WDR75: variants seen among roughly 807,000 people sequenced by gnomAD.
WDR75 encodes the protein WD repeat domain 75, also known as WD repeat-containing protein 75.
WDR75 carries 52 observed loss-of-function variants against 106.1 expected under a neutral mutation model. That is an observed-to-expected ratio of 0.49 (90% CI 0.39 to 0.62). The LOEUF is 0.62. Among genes scored for constraint, WDR75 ranks in the 20% least tolerant of loss-of-function variants. The pLI is 0.00. For synonymous variants in WDR75, 333 were observed against 335.5 expected (o/e 0.99, Z 0.08); for missense variants, 905 against 970.3 (o/e 0.93, Z 0.89).
intron 5 of WDR75, among the ~76,000 whole-genome samples, chr2:189,456,276 A>G (rs1686734688): frequency 6.6e-6 from 1 of 152,194 alleles, no homozygotes; most frequent in Non-Finnish European, 1.5e-5. Context: ...AAATACATTT[A>G]CCTAGCGATT....
At position 189,462,602 on chromosome 2, in the gene WDR75, G is replaced by A. The variant is rs146754041; in HGVS notation, c.897G>A (p.Ser299=). The part of the protein sequence containing the change: ...LGATIEHISV[S]PAGDLFCTSH... ...CTACTATTGAACATATCTCAGTCTC[G>A]CCTGCAGGAGATTTATTCTGCACTT... The change falls in exon 9 of 21, where the codon TCG becomes TCA. Residue 299 remains serine (S), a synonymous_variant. Coordinates refer to ENST00000314761, the MANE Select transcript of WDR75 (RefSeq NM_032168.3). The A allele has an allele frequency of 3.3e-5, 53 of 1,613,810 alleles. No homozygotes were observed. The highest frequency in any genetic ancestry group is 2.3e-4 in the African/African-American group (17 of 74,940).
At chr2:189,462,779 C>A in intron 9 of WDR75, 137 bp downstream of exon 9, 1 of 771,578 alleles carries the variant, frequency 1.3e-6, no homozygotes, top group Non-Finnish European at 2.0e-6. Context: ...CCTTGCATTA[C>A]TCCTCTCTTT....
chr2:189,462,512 A>G lies in WDR75; in HGVS notation c.807A>G (p.Glu269=), dbSNP rs116787294. Residue 269 remains glutamate, a synonymous_variant, in exon 9 of 21, where the codon GAA becomes GAG. Coordinates refer to ENST00000314761, the MANE Select transcript of WDR75 (RefSeq NM_032168.3). The stretch of plus-strand genomic sequence containing the variant: ...CCAGTCTGCTGAGTGGCGGTCGTGA[A>G]TCTGTACTTGTAGAGTGGCGCGATG... ...TGTSLLSGGR[E]SVLVEWRDAT... 6.2e-7 allele frequency: 1 copy of G among 1,614,032 alleles called. No homozygotes were observed. Among genetic ancestry groups the G allele is most frequent in the Non-Finnish European group, 8.5e-7 (1 of 1,179,930 alleles).
rs1266900309 is a variant in WDR75, at chr2:189,441,505, G to A, written c.13G>A (p.Glu5Lys). 1 of 1,564,526 alleles carries A rather than the reference G, an allele frequency of 6.4e-7. No individual in the cohort carries two copies. The highest frequency in any genetic ancestry group is 8.7e-7 in the Non-Finnish European group (1 of 1,153,170). MVEEENIRVVRCGGS... is the reference protein window; with the variant it reads MVEEKNIRVVRCGGS... ...CTACTGCGCAAAGATGGTGGAGGAG[G>A]AGAACATCCGCGTGGTTCGTTGTGG... The change falls in exon 1 of 21, where the codon GAG (glutamate) becomes AAG (lysine). Residue 5 changes from glutamate (E) to lysine (K), a missense_variant. Glu to Lys is a moderately conservative substitution (Grantham distance 56). Transcript: ENST00000314761.
chr2:189,452,327 AG>A, intron 4 of WDR75, among the ~76,000 whole-genome samples: 1 of 152,296 alleles, frequency 6.6e-6, no homozygotes, highest in Middle Eastern at 3.4e-3. Flanking sequence ...TGGGAGGCCG[AG>A]GTGGGCAGAT....
rs534602244 is a variant in WDR75, at chr2:189,466,595, ATATGT to A, written c.1447+20_1447+24del. ...TCTGACATATACAGTAAGTTATTAAATATGTTATGTTTAAAGTGTGCACAATTTTA... is the reference window on the plus strand; with the variant it reads ...TCTGACATATACAGTAAGTTATTAAATATGTTTAAAGTGTGCACAATTTTA... On this transcript the variant is annotated intron_variant, in intron 13 of 20. Transcript: ENST00000314761. 370 of 1,597,270 alleles carry A rather than the reference ATATGT, an allele frequency of 2.3e-4. 1 individual carries two copies. The highest frequency in any genetic ancestry group is 4.7e-4 in the East Asian group (21 of 44,602).
chr2:189,449,182 T>A (rs1039574982), intron 2 of WDR75: 1 of 1,204,452 alleles, frequency 8.3e-7, no homozygotes, highest in South Asian at 1.3e-5. Context: ...CTACTAAAAT[T>A]TTATCTCAAC....
intron 4 of WDR75, among the ~76,000 whole-genome samples, chr2:189,454,465 C>A (rs548047773): frequency 1.2e-4 from 18 of 152,010 alleles, no homozygotes; most frequent in African/African-American, 3.9e-4. Flanking sequence ...ATTTTAAAAC[C>A]CAGCTTAATA....
At chr2:189,443,911 G>C (rs1474396968) in intron 1 of WDR75, among the ~76,000 whole-genome samples, 1 of 152,152 alleles carries the variant, frequency 6.6e-6, no homozygotes, top group African/African-American at 2.4e-5. Flanking sequence ...CCAAACTAAG[G>C]TAATATTGAA....
chr2:189,442,748 AC>A (rs1257012514), intron 1 of WDR75, among the ~76,000 whole-genome samples: 1 of 151,868 alleles, frequency 6.6e-6, no homozygotes, highest in African/African-American at 2.4e-5. Context: ...TGCCCGGCCC[AC>A]CCCCACAATA....
chr2:189,452,326 G>A (rs561600447), intron 4 of WDR75, among the ~76,000 whole-genome samples: 15 of 152,272 alleles, frequency 9.9e-5, no homozygotes, highest in Admixed American at 2.0e-4. Context: ...ATGGGAGGCC[G>A]AGGTGGGCAG....
intron 1 of WDR75, among the ~76,000 whole-genome samples, chr2:189,445,086 A>G (rs373169865): frequency 3.3e-5 from 5 of 152,138 alleles, no homozygotes; most frequent in African/African-American, 7.2e-5. Flanking sequence ...CTATTGAGTG[A>G]GTGCTTGCTG....
rs764277551 is a variant in WDR75, at chr2:189,448,425, G to A, written c.133G>A (p.Val45Ile). The A allele has an allele frequency of 1.9e-6, 3 of 1,613,906 alleles. No homozygotes were observed. Among genetic ancestry groups the A allele is most frequent in the East Asian group, 2.2e-5 (1 of 44,870 alleles). ...SGDFVKVYST[V>I]TEECVHILHG... is the part of the protein sequence containing the mutation. ...AGACTTTGTTAAAGTTTACAGCACAGTTACAGAAGAGTGTGTACACATACT... is the reference window on the plus strand; with the variant it reads ...AGACTTTGTTAAAGTTTACAGCACAATTACAGAAGAGTGTGTACACATACT... The change falls in exon 2 of 21, where the codon GTT becomes ATT. Residue 45 changes from valine (V) to isoleucine (I), a missense_variant. Physicochemically the swap from Val to Ile is conservative, Grantham distance 29 (BLOSUM62 3). Coordinates refer to ENST00000314761, the MANE Select transcript of WDR75 (RefSeq NM_032168.3).
Position 189,474,222 on chromosome 2 carries a change from T to G in WDR75, c.2086T>G (p.Tyr696Asp). The change falls in exon 19 of 21, where the codon TAT (tyrosine) becomes GAT (aspartate). Residue 696 changes from tyrosine to aspartate, a missense_variant. Physicochemically the swap from Tyr to Asp is radical, Grantham distance 160. Transcript: ENST00000314761. ...AEESLPTTPF[Y>D]FILGKHRQQQ... ...AGAAAGTCTTCCCACAACCCCATTT[T>G]ATTTCATATTGGGAAAACACAGGCA... is the stretch of plus-strand genomic sequence containing the variant. The G allele has an allele frequency of 6.2e-7, 1 of 1,613,618 alleles. No individual in the cohort carries two copies. Among genetic ancestry groups the G allele is most frequent in the Non-Finnish European group, 8.5e-7 (1 of 1,179,820 alleles).
At chr2:189,468,388 A>G (rs1687048457) in intron 14 of WDR75, 87 bp from the exon 15 acceptor site, 6 of 1,243,918 alleles carry the variant, frequency 4.8e-6, no homozygotes, top group African/African-American at 1.5e-5. Context: ...TCTGCATTAC[A>G]TAGAACAGCC....
rs757340491 is a variant in WDR75 at position 189,475,284 on chromosome 2, A to T, written c.2360A>T (p.Asp787Val). The T allele has an allele frequency of 6.2e-7, 1 of 1,613,282 alleles. No individual in the cohort carries two copies. The highest frequency in any genetic ancestry group is 2.2e-5 in the East Asian group (1 of 44,776). ...KESEDSDEEN[D>V]FTEKVQDTSN... ...AGTGAAGATTCAGATGAAGAAAATG[A>T]TTTTACCGAAAAAGTCCAGGATACA... Residue 787 changes from aspartate to valine, a missense_variant, in exon 21 of 21, where the codon GAT (aspartate) becomes GTT (valine). Coordinates refer to ENST00000314761, the MANE Select transcript of WDR75 (RefSeq NM_032168.3).
At chr2:189,454,614 C>T (rs976283842) in intron 4 of WDR75, among the ~76,000 whole-genome samples, 5 of 151,824 alleles carry the variant, frequency 3.3e-5, no homozygotes, top group Admixed American at 2.0e-4. Context: ...CTCCACCTCC[C>T]GGGTTCACGC....
chr2:189,456,989 C>T, intron 5 of WDR75, among the ~76,000 whole-genome samples: 1 of 152,118 alleles, frequency 6.6e-6, no homozygotes, highest in East Asian at 1.9e-4. Flanking sequence ...CTCCTGTAAT[C>T]CCAGCACTTT....
At chr2:189,468,783 T>C (rs1687056827) in intron 15 of WDR75, among the ~76,000 whole-genome samples, 1 of 152,208 alleles carries the variant, frequency 6.6e-6, no homozygotes, top group South Asian at 2.1e-4. Flanking sequence ...CAGCTTCCAT[T>C]ATCCTTACCT....
Sources: gnomAD v4.1 joint callset for allele counts (sites outside exome capture counted in the v4.1 genomes callset) on GRCh38, gnomAD v4.1.1 for gene constraint, MANE v1.5 for transcripts, NCBI Gene and HGNC (gene_info 2026-07-23, HGNC 2026-07-21) for gene names.